CFAP20DC: variants seen among roughly 807,000 people sequenced by gnomAD.
CFAP20DC encodes the protein CFAP20 domain containing.
A neutral mutation model predicts 101.7 loss-of-function variants in CFAP20DC; 84 were observed. That is an observed-to-expected ratio of 0.83 (90% confidence interval 0.69 to 0.99). The LOEUF is 0.99. CFAP20DC is among the 50% of genes least tolerant of loss of function. CFAP20DC has a pLI of 0.00. For synonymous variants in CFAP20DC, 359 were observed against 351.2 expected (o/e 1.02, Z -0.25); for missense variants, 1,007 against 970.3 (o/e 1.04, Z -0.50).
intron 5 of CFAP20DC, among the ~76,000 whole-genome samples, chr3:58,933,710 T>G (rs1041691141): frequency 5.9e-5 from 9 of 151,572 alleles, no homozygotes; most frequent in African/African-American, 2.2e-4. Context: ...AATAAAGATG[T>G]TCTTTGAAAC....
chr3:58,932,521 G>C (rs1380578686), intron 5 of CFAP20DC, among the ~76,000 whole-genome samples: 3 of 152,166 alleles, frequency 2.0e-5, no homozygotes, highest in African/African-American at 7.2e-5. Context: ...GGCAGCCAGA[G>C]AGAAAGGTCG....
intron 5 of CFAP20DC, among the ~76,000 whole-genome samples, chr3:58,920,313 C>T (rs909219296): frequency 7.9e-5 from 12 of 151,942 alleles, no homozygotes; most frequent in South Asian, 2.1e-4. Context: ...AGGCTGGTCT[C>T]GAACTCCTGG....
At chr3:58,854,511 A>G (rs1185296963) in intron 12 of CFAP20DC, among the ~76,000 whole-genome samples, 1 of 152,178 alleles carries the variant, frequency 6.6e-6, no homozygotes, top group Non-Finnish European at 1.5e-5. Flanking sequence ...GCACCAAAAA[A>G]GAGCCCACAT....
Position 58,859,553 on chromosome 3 carries a change from C to T in CFAP20DC, c.1593+4005G>A, listed in dbSNP as rs1362438105. Among the ~76,000 whole-genome samples the T allele has an allele frequency of 3.9e-5, 6 of 152,258 alleles. No individual in the cohort carries two copies. The highest frequency in any genetic ancestry group is 8.8e-5 in the Non-Finnish European group (6 of 68,030). On this transcript the variant is annotated intron_variant, in intron 12 of 16. Coordinates refer to ENST00000482387, the MANE Select transcript of CFAP20DC (RefSeq NM_001394063.1). The surrounding 1 kb of genome is among the most constrained non-coding windows in gnomAD (Gnocchi z 4.1). The stretch of plus-strand genomic sequence containing the variant: ...TGCCTATAACAATACAAAGCCAAGT[C>T]ACAAGGACCAAGAGACCTGTGACTT...
chr3:58,846,585 C>G (rs1467577380), intron 13 of CFAP20DC, among the ~76,000 whole-genome samples: 6 of 150,248 alleles, frequency 4.0e-5, no homozygotes, highest in Admixed American at 4.0e-4. Context: ...AATGGCCATA[C>G]TGCCCAAGGT....
At chr3:58,752,876 T>G (rs553930542) in intron 16 of CFAP20DC, among the ~76,000 whole-genome samples, 2 of 152,248 alleles carry the variant, frequency 1.3e-5, no homozygotes, top group East Asian at 3.9e-4. Flanking sequence ...GTTGGAGCAA[T>G]TTATATTGGT....
intron 4 of CFAP20DC, among the ~76,000 whole-genome samples, chr3:58,981,931 T>C (rs1321173577): frequency 3.9e-5 from 6 of 151,970 alleles, no homozygotes; most frequent in African/African-American, 1.5e-4. Flanking sequence ...ACCTACAAAA[T>C]GGGAGAAAAT....
intron 16 of CFAP20DC, among the ~76,000 whole-genome samples, chr3:58,751,867 A>ACACACATACACACACACACAC (rs1553645550): frequency 1.5e-5 from 2 of 136,154 alleles, no homozygotes; most frequent in African/African-American, 5.2e-5. Flanking sequence ...ACACACACAC[A>ACACACATACACACACACACAC]AAATTTCCTC....
chr3:58,730,965 T>A (rs567188719), intron 3 of CFAP20DC, among the ~76,000 whole-genome samples: 43 of 152,242 alleles, frequency 2.8e-4, no homozygotes, highest in Admixed American at 2.2e-3. Flanking sequence ...GAGGTCCAGC[T>A]CAAATGGCTC....
chr3:58,978,265 A>C (rs182440496), intron 4 of CFAP20DC, among the ~76,000 whole-genome samples: 1 of 152,128 alleles, frequency 6.6e-6, no homozygotes, highest in African/African-American at 2.4e-5. Context: ...CCTATCCCTG[A>C]CCTTCATACT....
intron 14 of CFAP20DC, among the ~76,000 whole-genome samples, chr3:58,818,681 C>G: frequency 7.5e-6 from 1 of 132,764 alleles, no homozygotes; most frequent in African/African-American, 3.0e-5. Context: ...GACTCCCACA[C>G]ATTAATAATG....
chr3:58,934,114 C>A (rs2087156566), intron 5 of CFAP20DC, among the ~76,000 whole-genome samples: 1 of 152,316 alleles, frequency 6.6e-6, no homozygotes. Flanking sequence ...CACAGAAATA[C>A]AAACTACCAT....
Position 58,742,068 on chromosome 3 carries a change from C to G in CFAP20DC, c.*392G>C. ...TGCCATAAAATAAAAGGTACCCAGG[C>G]ATCTTTTAAGCAAAAATACATTTTC... On this transcript the variant is annotated 3_prime_UTR_variant, in exon 17 of 17. Coordinates refer to ENST00000482387, the MANE Select transcript of CFAP20DC (RefSeq NM_001394063.1). 1.0e-6 allele frequency: 1 copy of G among 969,984 alleles called. No individual in the cohort carries two copies. Among genetic ancestry groups the G allele is most frequent in the Non-Finnish European group, 1.2e-6 (1 of 815,426 alleles). 60.1% of individuals were successfully genotyped at this position (969,984 alleles called of 1,614,324 possible).
intron 15 of CFAP20DC, among the ~76,000 whole-genome samples, chr3:58,769,734 T>A (rs2070670388): frequency 6.6e-6 from 1 of 152,134 alleles, no homozygotes; most frequent in Non-Finnish European, 1.5e-5. Flanking sequence ...TATCGTGACA[T>A]CTGGAATAGG....
chr3:58,768,854 G>A (rs922301916), intron 15 of CFAP20DC, among the ~76,000 whole-genome samples: 2 of 152,174 alleles, frequency 1.3e-5, no homozygotes, highest in Non-Finnish European at 2.9e-5. Flanking sequence ...CAGCTCAAAT[G>A]TTACTTTAGA....
At position 58,864,038 on chromosome 3, in the gene CFAP20DC, A is replaced by G; in HGVS notation, c.1259-146T>C. The stretch of plus-strand genomic sequence containing the variant: ...AGTCACGCGATCTCGGCTCACTGCA[A>G]CCTCCGCCTCCCAACCTTCAAGTGA... On this transcript the variant is annotated intron_variant, in intron 11 of 16. Transcript: ENST00000482387. The surrounding 1 kb of genome is among the most constrained non-coding windows in gnomAD (Gnocchi z 4.7). 1.3e-6 allele frequency: 1 copy of G among 743,792 alleles called. No homozygotes were observed. Among genetic ancestry groups the G allele is most frequent in the Non-Finnish European group, 2.1e-6 (1 of 478,336 alleles). The allele number at this position is 743,792 out of a possible 1,614,324, so 46.1% of individuals were successfully genotyped here. A position where few individuals can be genotyped will look rare whatever the true frequency, so the allele number is the denominator to read the frequency against.
intron 4 of CFAP20DC, among the ~76,000 whole-genome samples, chr3:58,980,400 A>C (rs531768447): frequency 3.3e-5 from 5 of 152,152 alleles, no homozygotes; most frequent in East Asian, 3.9e-4. Context: ...GAGACACAAC[A>C]AAAAAAGAGA....
intron 14 of CFAP20DC, among the ~76,000 whole-genome samples, chr3:58,817,219 A>G (rs1008334233): frequency 2.0e-5 from 3 of 152,134 alleles, no homozygotes; most frequent in Admixed American, 6.5e-5. Flanking sequence ...TGGAAACTCT[A>G]AAACGCAGAG....
chr3:58,881,105 C>T (rs1217304269), intron 7 of CFAP20DC, among the ~76,000 whole-genome samples: 1 of 152,062 alleles, frequency 6.6e-6, no homozygotes, highest in Non-Finnish European at 1.5e-5. Context: ...TTCACCATTG[C>T]CAAAAATAGT....
Sources: gnomAD v4.1 joint callset for allele counts (sites outside exome capture counted in the v4.1 genomes callset) on GRCh38, gnomAD v4.1.1 for gene constraint, Gnocchi (gnomAD v3.1) non-coding constraint, MANE v1.5 for transcripts, NCBI Gene and HGNC (gene_info 2026-07-23, HGNC 2026-07-21) for gene names.